The following MAP2K4 variants were observed in gnomAD, a reference collection of about 807,000 sequenced individuals.
The protein encoded by MAP2K4 is mitogen-activated protein kinase kinase 4, also known as dual specificity mitogen-activated protein kinase kinase 4.
MAP2K4 carries 4 observed loss-of-function variants against 48.5 expected under a neutral mutation model. The ratio of observed to expected loss-of-function variants is 0.08; its 90% CI spans 0.04 to 0.19. The LOEUF (loss-of-function observed/expected upper bound fraction) is 0.19. Among genes scored for constraint, MAP2K4 ranks in the 10% least tolerant of loss-of-function variants. MAP2K4 has a pLI of 1.00. For synonymous variants in MAP2K4, 166 were observed against 173.1 expected, an observed-to-expected ratio of 0.96 and a Z score of 0.32; for missense variants, 258 against 493.3, an observed-to-expected ratio of 0.52 and a Z score of 4.52.
At chr17:12,109,019 T>C (rs1362075043) in intron 5 of MAP2K4, among the ~76,000 whole-genome samples, 1 of 152,138 alleles carries the variant, frequency 6.6e-6, no homozygotes, top group East Asian at 1.9e-4. Flanking sequence ...CTAATGGTTA[T>C]TAAATGCTTA....
intron 3 of MAP2K4, among the ~76,000 whole-genome samples, chr17:12,087,957 T>G (rs1034911712): frequency 6.6e-6 from 1 of 152,226 alleles, no homozygotes; most frequent in African/African-American, 2.4e-5. Context: ...AGACTCTAGC[T>G]GATAAGGAGG....
chr17:12,097,853 T>A (rs1364309579), intron 4 of MAP2K4, among the ~76,000 whole-genome samples: 1 of 152,172 alleles, frequency 6.6e-6, no homozygotes, highest in African/African-American at 2.4e-5. Flanking sequence ...ATATGCTTTT[T>A]AAATAAGATT....
At chr17:12,102,625 G>T (rs1208474947) in intron 4 of MAP2K4, among the ~76,000 whole-genome samples, 2 of 151,994 alleles carry the variant, frequency 1.3e-5, no homozygotes, top group Non-Finnish European at 2.9e-5. Context: ...GTATTTGATG[G>T]AATTTACCAA....
chr17:12,081,631 G>A lies in MAP2K4; in HGVS notation c.393+101G>A. The A allele has an allele frequency of 2.4e-6, 3 of 1,233,224 alleles. No homozygotes were observed. The highest frequency in any genetic ancestry group is 3.4e-6 in the Non-Finnish European group (3 of 882,916). 76.4% of individuals were successfully genotyped at this position (1,233,224 alleles called of 1,614,324 possible). ...TTGTGTTCCTACTTTTGTGGTAAAT[G>A]TGGGTGTTTAAAAAATTGTTTCTCC... On this transcript the variant is annotated intron_variant, in intron 3 of 10. Coordinates refer to ENST00000353533, the MANE Select transcript of MAP2K4 (RefSeq NM_003010.4). The surrounding 1 kb of genome is among the most constrained non-coding windows in gnomAD (Gnocchi z 4.2).
chr17:12,088,445 T>A (rs7503666), intron 3 of MAP2K4, among the ~76,000 whole-genome samples: 13 of 129,630 alleles, frequency 1.0e-4, no homozygotes, highest in Admixed American at 4.3e-4. Flanking sequence ...TTACATATAA[T>A]ATATATTAAA....
chr17:12,096,278 A>G (rs1380634550), intron 4 of MAP2K4, among the ~76,000 whole-genome samples: 2 of 151,902 alleles, frequency 1.3e-5, no homozygotes, highest in African/African-American at 2.4e-5. Flanking sequence ...CTAAAGCTCT[A>G]ATTTCTTGGT....
At chr17:12,140,877 C>T (rs567281480) in intron 10 of MAP2K4, among the ~76,000 whole-genome samples, 1 of 152,140 alleles carries the variant, frequency 6.6e-6, no homozygotes, top group Non-Finnish European at 1.5e-5. Context: ...AACAAACACT[C>T]CCTGGTATAC....
At chr17:12,074,892 C>T (rs934171401) in intron 2 of MAP2K4, among the ~76,000 whole-genome samples, 1 of 152,096 alleles carries the variant, frequency 6.6e-6, no homozygotes, top group African/African-American at 2.4e-5. Flanking sequence ...TGTCTGCTGC[C>T]CTTTGTTTCC....
intron 4 of MAP2K4, among the ~76,000 whole-genome samples, chr17:12,105,884 T>C (rs1223963708): frequency 6.6e-6 from 1 of 152,160 alleles, no homozygotes; most frequent in Non-Finnish European, 1.5e-5. Context: ...CTCTTTTATT[T>C]GCCCACATTT....
chr17:12,043,721 A>G (rs1203688210), intron 1 of MAP2K4, among the ~76,000 whole-genome samples: 1 of 152,160 alleles, frequency 6.6e-6, no homozygotes, highest in East Asian at 1.9e-4. Context: ...ATTGGGAGTA[A>G]GGGGACAGGG....
At chr17:12,034,386 G>GTAT (rs1162057368) in intron 1 of MAP2K4, among the ~76,000 whole-genome samples, 2 of 152,332 alleles carry the variant, frequency 1.3e-5, no homozygotes, top group East Asian at 3.9e-4. Flanking sequence ...AGGGGCATAT[G>GTAT]TATTCCCACT....
intron 1 of MAP2K4, among the ~76,000 whole-genome samples, chr17:12,035,373 T>C (rs1223911851): frequency 6.6e-6 from 1 of 152,064 alleles, no homozygotes; most frequent in Admixed American, 6.6e-5. Flanking sequence ...CAAAATTAGC[T>C]GGGCGTGGTG....
At chr17:12,079,029 A>T (rs927138170) in intron 2 of MAP2K4, among the ~76,000 whole-genome samples, 1 of 152,188 alleles carries the variant, frequency 6.6e-6, no homozygotes, top group African/African-American at 2.4e-5. Flanking sequence ...TAAATGAGAA[A>T]CTTGGAACTC....
intron 9 of MAP2K4, among the ~76,000 whole-genome samples, chr17:12,133,944 A>G (rs1282335150): frequency 2.0e-5 from 3 of 152,232 alleles, no homozygotes; most frequent in African/African-American, 7.2e-5. Flanking sequence ...GGGACAGTGT[A>G]GTAGTATCTA....
At chr17:12,121,600 C>T (rs548868460) in intron 7 of MAP2K4, among the ~76,000 whole-genome samples, 1 of 151,108 alleles carries the variant, frequency 6.6e-6, no homozygotes, top group South Asian at 2.1e-4. Context: ...AAAAAGATTC[C>T]ACATTGATTT....
At chr17:12,095,457 G>GT in intron 3 of MAP2K4, 118 bp from the exon 4 acceptor site, 2 of 1,015,592 alleles carry the variant, frequency 2.0e-6, no homozygotes, top group Middle Eastern at 2.1e-4. Flanking sequence ...TCTGGTATTT[G>GT]TGAAGTTTGG....
At chr17:12,046,248 A>T (rs1356928364) in intron 1 of MAP2K4, among the ~76,000 whole-genome samples, 2 of 152,192 alleles carry the variant, frequency 1.3e-5, no homozygotes, top group Non-Finnish European at 2.9e-5. Context: ...ACCTTCTCAG[A>T]GTGGTTGTGT....
chr17:12,135,555 C>G (rs1035763144), intron 9 of MAP2K4, among the ~76,000 whole-genome samples: 3 of 151,900 alleles, frequency 2.0e-5, no homozygotes, highest in Admixed American at 6.6e-5. Context: ...TTTAAAGTGC[C>G]ATTTATTTAT....
intron 2 of MAP2K4, among the ~76,000 whole-genome samples, chr17:12,060,926 C>T (rs892622699): frequency 1.3e-5 from 2 of 152,152 alleles, no homozygotes; most frequent in African/African-American, 4.8e-5. Context: ...AGAACTTTTT[C>T]ATCTTCTCAG....
Sources: gnomAD v4.1 joint callset for allele counts (sites outside exome capture counted in the v4.1 genomes callset) on GRCh38, gnomAD v4.1.1 for gene constraint, Gnocchi (gnomAD v3.1) non-coding constraint, MANE v1.5 for transcripts, NCBI Gene and HGNC (gene_info 2026-07-23, HGNC 2026-07-21) for gene names.